The following MAP4K4 variants were observed in gnomAD, a reference collection of about 807,000 sequenced individuals.
The protein encoded by MAP4K4 is HPK/GCK-like kinase HGK.
A neutral mutation model predicts 189.6 loss-of-function variants in MAP4K4; 38 were observed. The observed-to-expected ratio is 0.20, with a 90% CI of 0.15 to 0.26. The LOEUF is 0.26. MAP4K4 is among the 10% of genes least tolerant of loss of function. The pLI is 1.00. For missense variants in MAP4K4, 1,054 were observed against 1,726.9 expected, an observed-to-expected ratio of 0.61 and a Z score of 6.91; for synonymous variants, 610 against 624.3, an observed-to-expected ratio of 0.98 and a Z score of 0.34.
At chr2:101,722,537 C>T (rs1213068800) in intron 2 of MAP4K4, among the ~76,000 whole-genome samples, 4 of 152,154 alleles carry the variant, frequency 2.6e-5, no homozygotes, top group South Asian at 2.1e-4. Flanking sequence ...TTCTTTCCCT[C>T]GTTCTCCCAT....
chr2:101,830,808 G>A (rs755210005), intron 6 of MAP4K4, among the ~76,000 whole-genome samples: 19 of 152,230 alleles, frequency 1.2e-4, no homozygotes, highest in African/African-American at 1.7e-4. Flanking sequence ...TGTGATGCTC[G>A]CTTAGGCTTC....
intron 2 of MAP4K4, among the ~76,000 whole-genome samples, chr2:101,781,703 C>T (rs1338146829): frequency 2.0e-5 from 3 of 152,182 alleles, no homozygotes; most frequent in Non-Finnish European, 4.4e-5. Context: ...AAGTTTTCAA[C>T]ACGTGAACTT....
At chr2:101,833,929 T>TA (rs1334663226) in intron 7 of MAP4K4, among the ~76,000 whole-genome samples, 1 of 152,164 alleles carries the variant, frequency 6.6e-6, no homozygotes, top group Non-Finnish European at 1.5e-5. Flanking sequence ...GAACACTTTG[T>TA]AAAAAATGGT....
chr2:101,871,933 A>G (rs1464717669), intron 24 of MAP4K4, among the ~76,000 whole-genome samples: 1 of 152,202 alleles, frequency 6.6e-6, no homozygotes, highest in African/African-American at 2.4e-5. Flanking sequence ...GTATAGTTGC[A>G]TGGCTTTATC....
At chr2:101,701,260 G>T (rs958108684) in intron 2 of MAP4K4, among the ~76,000 whole-genome samples, 4 of 152,116 alleles carry the variant, frequency 2.6e-5, no homozygotes, top group Admixed American at 6.5e-5. Flanking sequence ...AGTTTTCTGA[G>T]ATTTGATATG....
intron 11 of MAP4K4, among the ~76,000 whole-genome samples, chr2:101,843,529 C>T (rs2096985087): frequency 6.6e-6 from 1 of 152,050 alleles, no homozygotes; most frequent in Non-Finnish European, 1.5e-5. Context: ...ATATGTTTGC[C>T]ATGCTGCTCT....
At chr2:101,887,384 A>G (rs2098503483) in intron 30 of MAP4K4, 147 bp downstream of exon 30, 3 of 745,846 alleles carry the variant, frequency 4.0e-6, no homozygotes, top group Admixed American at 3.4e-5. Context: ...GCAATTTTCA[A>G]TAGCTCCATG....
intron 3 of MAP4K4, among the ~76,000 whole-genome samples, chr2:101,811,116 G>C (rs2095394301): frequency 1.3e-5 from 2 of 152,146 alleles, no homozygotes; most frequent in South Asian, 4.1e-4. Flanking sequence ...GCTCACACCT[G>C]TAATCCCAGC....
At chr2:101,754,384 C>G (rs189031317) in intron 2 of MAP4K4, among the ~76,000 whole-genome samples, 1 of 126,898 alleles carries the variant, frequency 7.9e-6, no homozygotes, top group East Asian at 2.3e-4. Flanking sequence ...TGGAATCTTG[C>G]TCTGTCACCC....
intron 12 of MAP4K4, among the ~76,000 whole-genome samples, chr2:101,847,282 TTACTA>T (rs552525417): frequency 9.3e-4 from 142 of 152,350 alleles, no homozygotes; most frequent in African/African-American, 3.3e-3. Context: ...GTTTATGTAT[TTACTA>T]TATTATACTT....
exon 23 of MAP4K4, chr2:101,870,386 T>C: frequency 6.2e-7 from 1 of 1,613,716 alleles, no homozygotes; most frequent in Non-Finnish European, 8.5e-7. Flanking sequence ...CATGACCCCA[T>C]CCAAGGAGGG....
chr2:101,839,873 G>A (rs759207425), exon 10 of MAP4K4: 3 of 1,612,652 alleles, frequency 1.9e-6, no homozygotes, highest in African/African-American at 1.3e-5. Context: ...ATTACATGCA[G>A]CGGCCCTCTA....
chr2:101,831,643 C>T (rs1003063342), intron 6 of MAP4K4, 78 bp from the exon 7 acceptor site: 27 of 1,445,484 alleles, frequency 1.9e-5, no homozygotes, highest in Non-Finnish European at 2.1e-5. Context: ...GACATTTCCT[C>T]CTTGTGTTTT....
chr2:101,757,111 TAAG>T (rs1319305286), intron 2 of MAP4K4, among the ~76,000 whole-genome samples: 1 of 152,138 alleles, frequency 6.6e-6, no homozygotes, highest in Admixed American at 6.5e-5. Context: ...GAGTAAGGGA[TAAG>T]AAGGAGGGGG....
At chr2:101,706,064 A>C (rs2042152982) in intron 2 of MAP4K4, among the ~76,000 whole-genome samples, 2 of 152,222 alleles carry the variant, frequency 1.3e-5, no homozygotes, top group South Asian at 2.1e-4. Context: ...TAGGGCCTTA[A>C]CTTACCAGTT....
intron 9 of MAP4K4, among the ~76,000 whole-genome samples, chr2:101,838,304 TAGA>T (rs1252772478): frequency 6.6e-6 from 1 of 152,250 alleles, no homozygotes; most frequent in Admixed American, 6.5e-5. Context: ...CATTGGGTCT[TAGA>T]ACTATCTCTG....
At chr2:101,871,766 C>G in intron 24 of MAP4K4, 81 bp downstream of exon 24, 1 of 1,283,796 alleles carries the variant, frequency 7.8e-7, no homozygotes. Context: ...GGAGACCTTT[C>G]CAACACCCTC....
chr2:101,769,397 A>G (rs1009365113), intron 2 of MAP4K4, among the ~76,000 whole-genome samples: 1 of 152,192 alleles, frequency 6.6e-6, no homozygotes, highest in African/African-American at 2.4e-5. Context: ...GGAAGTGGTC[A>G]TAACAGATAG....
intron 2 of MAP4K4, among the ~76,000 whole-genome samples, chr2:101,779,748 G>A (rs1305284645): frequency 6.6e-6 from 1 of 151,932 alleles, no homozygotes; most frequent in Non-Finnish European, 1.5e-5. Context: ...TTCTGGTAAG[G>A]GATACTATCA....
Sources: gnomAD v4.1 joint callset for allele counts (sites outside exome capture counted in the v4.1 genomes callset) on GRCh38, gnomAD v4.1.1 for gene constraint, MANE v1.5 for transcripts, NCBI Gene and HGNC (gene_info 2026-07-23, HGNC 2026-07-21) for gene names.